Variants in GPD1L observed in about 807,000 individuals in gnomAD.
GPD1L encodes glycerol-3-phosphate dehydrogenase 1 like.
Under a neutral mutation model 32.9 loss-of-function variants are expected in GPD1L, and 17 were observed. The observed-to-expected ratio is 0.52, with a 90% confidence interval of 0.35 to 0.78. GPD1L has a LOEUF of 0.78. GPD1L is among the 30% of genes least tolerant of loss of function. GPD1L has a pLI of 0.01. For synonymous variants in GPD1L, 187 were observed against 165.9 expected (o/e 1.13, Z -0.98); for missense variants, 361 against 447.8 (o/e 0.81, Z 1.75).
chr3:32,123,838 A>G (rs1045638730), intron 1 of GPD1L, among the ~76,000 whole-genome samples: 3 of 132,304 alleles, frequency 2.3e-5, no homozygotes, highest in Non-Finnish European at 5.0e-5. Context: ...AGATAGATAG[A>G]TAGACAGACA....
chr3:32,118,339 T>G (rs9820854), intron 1 of GPD1L, among the ~76,000 whole-genome samples: 62,754 of 152,070 alleles, frequency 0.41, 14,706 homozygotes, highest in East Asian at 0.64. Context: ...AAATGTTTGT[T>G]GTGCATCTAC....
At chr3:32,152,859 G>A (rs76917584) in intron 5 of GPD1L, among the ~76,000 whole-genome samples, 4 of 58,362 alleles carry the variant, frequency 6.9e-5, no homozygotes, top group African/African-American at 1.1e-4. Flanking sequence ...AAAAAAAAAA[G>A]ACAGACAAAG....
At chr3:32,112,108 G>C (rs1167623267) in intron 1 of GPD1L, among the ~76,000 whole-genome samples, 1 of 152,178 alleles carries the variant, frequency 6.6e-6, no homozygotes, top group Non-Finnish European at 1.5e-5. Flanking sequence ...GCTAAGATGA[G>C]AAAGTTTGTA....
chr3:32,115,457 A>G (rs903374488), intron 1 of GPD1L, among the ~76,000 whole-genome samples: 1 of 152,256 alleles, frequency 6.6e-6, no homozygotes, highest in Non-Finnish European at 1.5e-5. Context: ...ACCTCTCATT[A>G]TCATTACAGC....
chr3:32,162,296 T>G (rs1227846966), intron 7 of GPD1L, among the ~76,000 whole-genome samples: 1 of 152,206 alleles, frequency 6.6e-6, no homozygotes. Flanking sequence ...CAATGTAACT[T>G]CCTGCAGTAC....
chr3:32,129,362 G>A (rs909931524), intron 2 of GPD1L, among the ~76,000 whole-genome samples: 4 of 152,330 alleles, frequency 2.6e-5, no homozygotes, highest in South Asian at 4.1e-4. Context: ...GGGGGAGACC[G>A]ATCTCTAAAT....
chr3:32,134,317 G>A (rs747623801), intron 2 of GPD1L, among the ~76,000 whole-genome samples: 4 of 152,168 alleles, frequency 2.6e-5, no homozygotes, highest in Non-Finnish European at 5.9e-5. Flanking sequence ...CATTGTACAC[G>A]TTGCTTCTGT....
intron 1 of GPD1L, 100 bp from the exon 2 acceptor site, chr3:32,127,976 A>C: frequency 1.2e-6 from 1 of 841,116 alleles, no homozygotes; most frequent in Middle Eastern, 3.3e-4. Context: ...TCAGTGTTTG[A>C]ATCAGAATCA....
At chr3:32,148,315 C>T (rs937958211) in intron 5 of GPD1L, among the ~76,000 whole-genome samples, 3 of 152,094 alleles carry the variant, frequency 2.0e-5, no homozygotes, top group East Asian at 1.9e-4. Context: ...CTAATGGGAA[C>T]CCATGCTGGT....
chr3:32,148,283 G>A (rs1700861514), intron 5 of GPD1L, among the ~76,000 whole-genome samples: 1 of 152,172 alleles, frequency 6.6e-6, no homozygotes, highest in Admixed American at 6.5e-5. Context: ...AGATTGAGGT[G>A]AGGGCTTTGG....
chr3:32,128,355 C>G lies in GPD1L; in HGVS notation c.225+102C>G, dbSNP rs1700542872. 4 of 948,582 alleles carry G rather than the reference C, an allele frequency of 4.2e-6. No homozygotes were observed. The East Asian group carries it at 9.9e-5, about 23-fold the overall frequency. 58.8% of individuals were successfully genotyped at this position (948,582 alleles called of 1,614,324 possible). ...CTGGGAAAGCTGCTTCCCTTTTCCC[C>G]AGTTCCTTTCCACTACCAATTGGTT... On this transcript the variant is annotated intron_variant, in intron 2 of 7. Transcript: ENST00000282541.
intron 2 of GPD1L, among the ~76,000 whole-genome samples, chr3:32,128,899 G>A (rs1030749537): frequency 6.6e-6 from 1 of 152,198 alleles, no homozygotes; most frequent in Admixed American, 6.5e-5. Flanking sequence ...ATTAAAGTCA[G>A]GGTCAAGGCC....
intron 5 of GPD1L, among the ~76,000 whole-genome samples, chr3:32,155,753 A>G (rs1338494871): frequency 6.6e-6 from 1 of 152,170 alleles, no homozygotes; most frequent in Non-Finnish European, 1.5e-5. Flanking sequence ...CAATTGCACC[A>G]ACTTTCCTGA....
In GPD1L at chr3:32,165,898, A is replaced by G. The variant is rs1490119226; in HGVS notation, c.1044A>G (p.Pro348=). The part of the protein sequence containing the change: ...QEMLSCLQSH[P]EHT Reference sequence around the variant, plus strand: ...TGTTGTCTTGTCTTCAGAGCCATCCAGAGCATACATAAAGTGAATCATGCA... The same window carrying G: ...TGTTGTCTTGTCTTCAGAGCCATCCGGAGCATACATAAAGTGAATCATGCA... Residue 348 remains proline (P), a synonymous_variant, in exon 8 of 8, where the codon CCA becomes CCG. Coordinates refer to ENST00000282541, the MANE Select transcript of GPD1L (RefSeq NM_015141.4). The G allele has an allele frequency of 6.3e-7, 1 of 1,583,546 alleles. No homozygotes were observed. The highest frequency in any genetic ancestry group is 1.7e-5 in the Admixed American group (1 of 59,996).
At position 32,128,172 on chromosome 3, in the gene GPD1L, T is replaced by C; in HGVS notation, c.144T>C (p.Asn48=). 6.2e-7 allele frequency: 1 copy of C among 1,612,434 alleles called. No individual in the cohort carries two copies. Among genetic ancestry groups the C allele is most frequent in the Non-Finnish European group, 8.5e-7 (1 of 1,178,456 alleles). Residue 48 remains asparagine, a synonymous_variant, in exon 2 of 8, where the codon AAT becomes AAC. Coordinates refer to ENST00000282541, the MANE Select transcript of GPD1L (RefSeq NM_015141.4). ...VKMWVFEETV[N]GRKLTDIINN... ...TGTGGGTCTTTGAAGAAACAGTGAA[T>C]GGCAGAAAACTGACAGACATCATAA... is the stretch of plus-strand genomic sequence containing the variant.
At chr3:32,114,529 A>G (rs1559568111) in intron 1 of GPD1L, among the ~76,000 whole-genome samples, 1 of 152,208 alleles carries the variant, frequency 6.6e-6, no homozygotes, top group African/African-American at 2.4e-5. Context: ...AAATGTTACT[A>G]TGGGTGATTA....
chr3:32,125,484 T>C (rs1387847118), intron 1 of GPD1L, among the ~76,000 whole-genome samples: 1 of 152,222 alleles, frequency 6.6e-6, no homozygotes, highest in Admixed American at 6.5e-5. Context: ...GGGTTTGGTC[T>C]TCCTGAGCAC....
In GPD1L at chr3:32,167,061, GGCATCTGTGTTTCT is replaced by G. The variant is rs1239407847; in HGVS notation, c.*1153_*1166del. Reference sequence around the variant, plus strand: ...CCACCCTGGACTTCTGAAGGGGTGTGGCATCTGTGTTTCTGATGCTTACTACAATATGTGAACCA... The same window carrying G: ...CCACCCTGGACTTCTGAAGGGGTGTGGATGCTTACTACAATATGTGAACCA... On this transcript the variant is annotated 3_prime_UTR_variant, in exon 8 of 8. Transcript: ENST00000282541. 2.1e-4 allele frequency: 32 copies of G among 152,254 alleles called. No homozygotes were observed. The highest frequency in any genetic ancestry group is 7.0e-4 in the African/African-American group (29 of 41,538). The allele number at this position is 152,254 out of a possible 1,614,324, so 9.4% of individuals were successfully genotyped here.
intron 7 of GPD1L, among the ~76,000 whole-genome samples, chr3:32,161,533 T>C (rs1701073446): frequency 6.6e-6 from 1 of 152,146 alleles, no homozygotes; most frequent in Non-Finnish European, 1.5e-5. Context: ...AGTGAGACTC[T>C]CCCAACCAGA....
Sources: gnomAD v4.1 joint callset for allele counts (sites outside exome capture counted in the v4.1 genomes callset) on GRCh38, gnomAD v4.1.1 for gene constraint, MANE v1.5 for transcripts, NCBI Gene and HGNC (gene_info 2026-07-23, HGNC 2026-07-21) for gene names.